Variants in WDPCP observed in about 807,000 individuals in gnomAD.
The protein encoded by WDPCP is WD repeat-containing and planar cell polarity effector protein fritz homolog.
Under a neutral mutation model 93.1 loss-of-function variants are expected in WDPCP, and 71 were observed. The observed-to-expected ratio is 0.76, with a 90% CI of 0.63 to 0.93. WDPCP has a LOEUF of 0.93. Ranked by LOEUF, WDPCP falls within the 40% of genes least tolerant of loss-of-function variation. The pLI is 0.00. For missense variants in WDPCP, 844 were observed against 887.4 expected, an observed-to-expected ratio of 0.95 and a Z score of 0.62; for synonymous variants, 315 against 315.0, an observed-to-expected ratio of 1.00 and a Z score of 0.00.
chr2:63,613,719 G>A (rs1709643036), intron 3 of WDPCP, among the ~76,000 whole-genome samples: 1 of 152,212 alleles, frequency 6.6e-6, no homozygotes, highest in African/African-American at 2.4e-5. Flanking sequence ...GCTTTGTCAT[G>A]CCGAACACTT....
chr2:63,236,168 C>G (rs1679376464), intron 14 of WDPCP, among the ~76,000 whole-genome samples: 1 of 152,070 alleles, frequency 6.6e-6, no homozygotes, highest in Non-Finnish European at 1.5e-5. Flanking sequence ...AAAATCAGTG[C>G]CATTTCTATA....
chr2:63,626,604 T>G (rs1276468465), intron 3 of WDPCP, among the ~76,000 whole-genome samples: 1 of 152,086 alleles, frequency 6.6e-6, no homozygotes, highest in Non-Finnish European at 1.5e-5. Flanking sequence ...ATTAGAGAAA[T>G]GCAAATCAAA....
intron 2 of WDPCP, among the ~76,000 whole-genome samples, chr2:63,738,328 T>A (rs917061129): frequency 1.5e-5 from 2 of 136,112 alleles, no homozygotes; most frequent in African/African-American, 5.2e-5. Flanking sequence ...GTGGTTTATC[T>A]ATGGCCTCAC....
At chr2:63,721,147 T>G (rs540160507) in intron 2 of WDPCP, among the ~76,000 whole-genome samples, 4 of 152,356 alleles carry the variant, frequency 2.6e-5, no homozygotes, top group African/African-American at 9.6e-5. Context: ...TTTAGATACA[T>G]GAGTCAAGGA....
chr2:63,489,712 T>C (rs1254708173), intron 2 of WDPCP, among the ~76,000 whole-genome samples: 1 of 151,762 alleles, frequency 6.6e-6, no homozygotes, highest in Non-Finnish European at 1.5e-5. Flanking sequence ...AAATACATAA[T>C]GAAATAAAAT....
upstream of WDPCP, among the ~76,000 whole-genome samples, chr2:63,830,654 C>A (rs373887449): frequency 1.5e-4 from 23 of 152,238 alleles, no homozygotes; most frequent in South Asian, 3.9e-3. Flanking sequence ...TTTCTCTCCA[C>A]AGTTAACTGA....
At chr2:63,347,100 A>G (rs1689244879) in intron 12 of WDPCP, among the ~76,000 whole-genome samples, 1 of 152,204 alleles carries the variant, frequency 6.6e-6, no homozygotes, top group Non-Finnish European at 1.5e-5. Flanking sequence ...AACAACAGGT[A>G]ATATTTATTA....
At chr2:63,597,388 C>T (rs758149938) in intron 3 of WDPCP, 2 of 1,357,634 alleles carry the variant, frequency 1.5e-6, no homozygotes, top group South Asian at 2.3e-5. Flanking sequence ...TATTTATTGC[C>T]ATGTCCACAG....
chr2:63,232,154 TC>T (rs1162857148), intron 14 of WDPCP, among the ~76,000 whole-genome samples: 7 of 152,200 alleles, frequency 4.6e-5, no homozygotes, highest in Non-Finnish European at 8.8e-5. Context: ...CTGGATCCCT[TC>T]CTTACGCCTT....
intron 14 of WDPCP, among the ~76,000 whole-genome samples, chr2:63,182,774 C>CT (rs531449446): frequency 0.023 from 2,120 of 92,160 alleles, 65 homozygotes; most frequent in African/African-American, 0.068. Flanking sequence ...TGGCCCTGGA[C>CT]TTTTTTTTTT....
In WDPCP at chr2:63,484,994, A is replaced by C; in HGVS notation, c.254-7T>G. On this transcript the variant is annotated splice_region_variant and splice_polypyrimidine_tract_variant and intron_variant, in intron 4 of 17. Transcript: ENST00000272321. ...GTCCAAGGATAATCTCGTGCTGGCA[A>C]ATAAAACATGTACTACAGTTAGTTA... The C allele has an allele frequency of 1.2e-6, 2 of 1,612,454 alleles. No homozygotes were observed. The highest frequency in any genetic ancestry group is 1.7e-6 in the Non-Finnish European group (2 of 1,178,898).
chr2:63,349,098 T>A (rs796824199), intron 12 of WDPCP, among the ~76,000 whole-genome samples: 2 of 152,174 alleles, frequency 1.3e-5, no homozygotes, highest in South Asian at 4.1e-4. Flanking sequence ...AATTTGTGAT[T>A]AATAAATCTG....
chr2:63,396,401 C>G (rs1693729621), intron 10 of WDPCP, among the ~76,000 whole-genome samples: 1 of 152,190 alleles, frequency 6.6e-6, no homozygotes, highest in Non-Finnish European at 1.5e-5. Context: ...TTTAAAAATT[C>G]TATGAGAGTG....
At chr2:63,267,474 A>G (rs1682235411) in intron 13 of WDPCP, among the ~76,000 whole-genome samples, 1 of 152,212 alleles carries the variant, frequency 6.6e-6, no homozygotes, top group Non-Finnish European at 1.5e-5. Context: ...CAAAAGCAAA[A>G]ATAGATAAAT....
At chr2:63,505,844 T>C (rs1015700443) in intron 1 of WDPCP, among the ~76,000 whole-genome samples, 2 of 152,058 alleles carry the variant, frequency 1.3e-5, no homozygotes, top group Non-Finnish European at 2.9e-5. Context: ...ATTCACAATA[T>C]GAAGTTAACA....
At chr2:63,359,853 G>A (rs1202473173) in intron 12 of WDPCP, 3 of 152,206 alleles carry the variant, frequency 2.0e-5, no homozygotes, top group Admixed American at 1.3e-4. Flanking sequence ...GGCTGAGGCG[G>A]GTGGATCACA....
intron 13 of WDPCP, among the ~76,000 whole-genome samples, chr2:63,272,185 C>T (rs1682714973): frequency 6.6e-6 from 1 of 152,190 alleles, no homozygotes; most frequent in Admixed American, 6.5e-5. Context: ...CCTCACTATA[C>T]CTTTCACTAA....
chr2:63,794,751 T>TTA (rs1670591180), intron 2 of WDPCP, among the ~76,000 whole-genome samples: 1 of 152,240 alleles, frequency 6.6e-6, no homozygotes, highest in Non-Finnish European at 1.5e-5. Context: ...TACTTGCAGC[T>TTA]GAAAGCATTC....
At chr2:63,589,270 G>A, upstream of WDPCP, 1 of 1,551,406 alleles carries the variant, frequency 6.4e-7, no homozygotes, top group South Asian at 1.2e-5. Flanking sequence ...GGACTCTGGA[G>A]AAGTAGTTGT....
Sources: gnomAD v4.1 joint callset for allele counts (sites outside exome capture counted in the v4.1 genomes callset) on GRCh38, gnomAD v4.1.1 for gene constraint, MANE v1.5 for transcripts, NCBI Gene and HGNC (gene_info 2026-07-23, HGNC 2026-07-21) for gene names.